Variants in SUPT3H observed in about 807,000 individuals in gnomAD.
The protein encoded by SUPT3H is SPT3 homolog, SAGA and STAGA complex component, also known as transcription initiation protein SPT3 homolog.
In SUPT3H, 44 loss-of-function variants were observed where a neutral mutation model predicts 44.3. That is an observed-to-expected ratio of 0.99 (90% confidence interval 0.78 to 1.28). SUPT3H has a LOEUF of 1.28. Ranked by LOEUF, SUPT3H falls within the 50% of genes most tolerant of loss-of-function variation. The pLI, the probability that SUPT3H is intolerant of heterozygous loss-of-function variation, is 0.00. For missense variants in SUPT3H, 380 were observed against 387.1 expected (o/e 0.98, Z 0.15); for synonymous variants, 124 against 125.6 (o/e 0.99, Z 0.09).
chr6:44,952,848 GATGA>G (rs1373747033), intron 9 of SUPT3H, among the ~76,000 whole-genome samples: 3 of 152,154 alleles, frequency 2.0e-5, no homozygotes, highest in Non-Finnish European at 4.4e-5. Context: ...AAAAACTCAA[GATGA>G]ATGAAGACAA....
chr6:45,033,055 G>A (rs1372180646), intron 3 of SUPT3H, among the ~76,000 whole-genome samples: 1 of 151,982 alleles, frequency 6.6e-6, no homozygotes, highest in African/African-American at 2.4e-5. Flanking sequence ...ATATAGAGAA[G>A]ATTGTACTAA....
At chr6:45,211,685 C>T (rs187110709) in intron 2 of SUPT3H, among the ~76,000 whole-genome samples, 82 of 152,002 alleles carry the variant, frequency 5.4e-4, no homozygotes, top group Non-Finnish European at 1.0e-3. Flanking sequence ...TCTGTCCCTA[C>T]TAAAAATATA....
chr6:45,107,571 T>C (rs1005760859), intron 2 of SUPT3H, among the ~76,000 whole-genome samples: 2 of 152,168 alleles, frequency 1.3e-5, no homozygotes, highest in African/African-American at 4.8e-5. Context: ...TGCTAGAGTA[T>C]CTGCTACCCA....
At chr6:44,890,775 A>T (rs988122552) in intron 10 of SUPT3H, among the ~76,000 whole-genome samples, 6 of 151,392 alleles carry the variant, frequency 4.0e-5, no homozygotes, top group Non-Finnish European at 7.4e-5. Context: ...AATAATAAAA[A>T]AAAAAGAAAA....
intron 2 of SUPT3H, among the ~76,000 whole-genome samples, chr6:45,167,914 T>A (rs1030724869): frequency 6.6e-6 from 1 of 151,902 alleles, no homozygotes; most frequent in Non-Finnish European, 1.5e-5. Context: ...CAGGTTCAAG[T>A]GATTCTCCTG....
In SUPT3H at chr6:45,177,758, CA is replaced by C. The variant is rs1035826490; in HGVS notation, c.102-71753del. Among the ~76,000 whole-genome samples, 353 of 152,000 alleles carry C rather than the reference CA, an allele frequency of 2.3e-3. 4 individuals carry two copies. Among genetic ancestry groups the C allele is most frequent in the African/African-American group, 7.6e-3 (316 of 41,458 alleles). On this transcript the variant is annotated intron_variant, in intron 2 of 10. Transcript: ENST00000371459. ...CTACAAGCCAGAAGAGAGTGGGGGCCAATATTCAACATTCTTAAAGAAAAGA... is the reference window on the plus strand; with the variant it reads ...CTACAAGCCAGAAGAGAGTGGGGGCCATATTCAACATTCTTAAAGAAAAGA...
chr6:44,905,014 T>G (rs1431009052), intron 10 of SUPT3H, among the ~76,000 whole-genome samples: 1 of 152,104 alleles, frequency 6.6e-6, no homozygotes, highest in African/African-American at 2.4e-5. Flanking sequence ...TATACAAAAA[T>G]TAATTCAAGA....
intron 10 of SUPT3H, among the ~76,000 whole-genome samples, chr6:44,847,398 G>A (rs569109929): frequency 1.3e-4 from 20 of 152,174 alleles, no homozygotes; most frequent in South Asian, 4.2e-4. Flanking sequence ...TTGTGTTTAC[G>A]TATACCTATC....
At chr6:45,267,753 GGCCTTACA>G in intron 2 of SUPT3H, among the ~76,000 whole-genome samples, 1 of 152,164 alleles carries the variant, frequency 6.6e-6, no homozygotes, top group South Asian at 2.1e-4. Context: ...TAAGAGCCTA[GGCCTTACA>G]AGGACTTAAG....
intron 10 of SUPT3H, among the ~76,000 whole-genome samples, chr6:44,881,055 A>G (rs923634710): frequency 1.3e-5 from 2 of 152,160 alleles, no homozygotes; most frequent in Admixed American, 1.3e-4. Flanking sequence ...ACACATAATA[A>G]TATTAATGTA....
intron 2 of SUPT3H, among the ~76,000 whole-genome samples, chr6:45,209,732 A>G (rs1306983262): frequency 2.0e-5 from 3 of 152,246 alleles, no homozygotes; most frequent in African/African-American, 7.2e-5. Flanking sequence ...AAGGTTTGAG[A>G]GAACTGAATC....
At chr6:44,824,316 C>G (rs1399509200), downstream of SUPT3H, among the ~76,000 whole-genome samples, 1 of 152,138 alleles carries the variant, frequency 6.6e-6, no homozygotes, top group African/African-American at 2.4e-5. Flanking sequence ...AATGCATTGG[C>G]AGGTGAACTA....
At chr6:45,022,430 T>A (rs920508611) in intron 3 of SUPT3H, among the ~76,000 whole-genome samples, 1 of 151,874 alleles carries the variant, frequency 6.6e-6, no homozygotes, top group Admixed American at 6.6e-5. Context: ...TTTTTTTTTT[T>A]TTTATTTTCA....
At chr6:44,979,854 A>T (rs1288077542) in intron 6 of SUPT3H, among the ~76,000 whole-genome samples, 1 of 152,220 alleles carries the variant, frequency 6.6e-6, no homozygotes, top group African/African-American at 2.4e-5. Context: ...GGAATTATTA[A>T]GTTCTTTCCA....
At chr6:45,306,753 G>C (rs4288203) in intron 2 of SUPT3H, among the ~76,000 whole-genome samples, 1 of 151,878 alleles carries the variant, frequency 6.6e-6, no homozygotes, top group Non-Finnish European at 1.5e-5. Flanking sequence ...CTGAGGTACC[G>C]GGTTCATCTC....
intron 3 of SUPT3H, among the ~76,000 whole-genome samples, chr6:45,033,321 TTA>T (rs1491504801): frequency 1.2e-3 from 184 of 152,044 alleles, no homozygotes; most frequent in African/African-American, 4.1e-3. Flanking sequence ...GCATGGAGAT[TTA>T]AAAAATCTAT....
intron 10 of SUPT3H, among the ~76,000 whole-genome samples, chr6:44,852,198 A>C (rs1773008993): frequency 6.6e-6 from 1 of 152,184 alleles, no homozygotes; most frequent in South Asian, 2.1e-4. Context: ...AATTAGGCAA[A>C]TGGGCACCTG....
chr6:45,055,074 T>C (rs2153538499), intron 3 of SUPT3H, among the ~76,000 whole-genome samples: 1 of 152,212 alleles, frequency 6.6e-6, no homozygotes, highest in African/African-American at 2.4e-5. Context: ...AGTGGTTATA[T>C]ACAGAAAGGC....
intron 2 of SUPT3H, among the ~76,000 whole-genome samples, chr6:45,318,846 A>G (rs914586909): frequency 3.3e-5 from 5 of 152,174 alleles, no homozygotes; most frequent in African/African-American, 1.2e-4. Flanking sequence ...ATCTATATTA[A>G]CCATTTATTA....
Sources: allele counts gnomAD v4.1 joint callset (sites outside exome capture counted in the v4.1 genomes callset), GRCh38; gene constraint gnomAD v4.1.1; transcripts MANE v1.5; gene names NCBI Gene and HGNC (gene_info 2026-07-23, HGNC 2026-07-21).